XKR4: variants seen among roughly 807,000 people sequenced by gnomAD.
XKR4 encodes the protein XK related 4.
Under a neutral mutation model 53.9 loss-of-function variants are expected in XKR4, and 12 were observed. That is an observed-to-expected ratio of 0.22 (90% CI 0.14 to 0.36). XKR4 has a LOEUF of 0.36. Among genes scored for constraint, XKR4 ranks in the 10% least tolerant of loss-of-function variants. The pLI is 1.00. For synonymous variants in XKR4, 354 were observed against 362.4 expected (o/e 0.98, Z 0.26); for missense variants, 799 against 859.5 (o/e 0.93, Z 0.88).
At chr8:55,496,034 T>C (rs1412375177) in intron 2 of XKR4, among the ~76,000 whole-genome samples, 1 of 152,208 alleles carries the variant, frequency 6.6e-6, no homozygotes, top group Non-Finnish European at 1.5e-5. Flanking sequence ...GCTTAGAAAT[T>C]AATTCAGTCA....
chr8:55,356,908 A>G (rs1015657437), intron 1 of XKR4, among the ~76,000 whole-genome samples: 1 of 152,174 alleles, frequency 6.6e-6, no homozygotes, highest in Non-Finnish European at 1.5e-5. Flanking sequence ...GGCATTTATG[A>G]TCCACTTCAA....
chr8:55,116,172 A>T (rs145227392), intron 1 of XKR4, among the ~76,000 whole-genome samples: 3 of 152,106 alleles, frequency 2.0e-5, no homozygotes, highest in Non-Finnish European at 2.9e-5. Context: ...GATGGAAGGG[A>T]TAGTGGAGAG....
intron 1 of XKR4, among the ~76,000 whole-genome samples, chr8:55,310,147 A>G (rs1819367586): frequency 3.9e-5 from 6 of 152,242 alleles, no homozygotes; most frequent in Admixed American, 3.3e-4. Flanking sequence ...AAAAACACCA[A>G]GAGCCAAACT....
chr8:55,460,892 C>T (rs1419791128), intron 2 of XKR4, among the ~76,000 whole-genome samples: 1 of 152,212 alleles, frequency 6.6e-6, no homozygotes, highest in Non-Finnish European at 1.5e-5. Flanking sequence ...GCTAGCACAG[C>T]AGTCTGAAAT....
chr8:55,368,861 T>G (rs1439020158), intron 2 of XKR4, among the ~76,000 whole-genome samples: 22 of 152,234 alleles, frequency 1.4e-4, no homozygotes, highest in Admixed American at 1.4e-3. Context: ...CACAAGTTCC[T>G]GTGGAATGTC....
At chr8:55,140,170 G>A (rs1816684376) in intron 1 of XKR4, 1 of 431,886 alleles carries the variant, frequency 2.3e-6, no homozygotes. Flanking sequence ...TTGACTGAGT[G>A]TCTTTTCTTC....
chr8:55,289,529 AAAAG>A (rs1259983624), intron 1 of XKR4, among the ~76,000 whole-genome samples: 4 of 106,542 alleles, frequency 3.8e-5, no homozygotes, highest in Admixed American at 3.0e-4. Context: ...AAAAAAAAAG[AAAAG>A]AAAGAAAGAA....
At chr8:55,301,399 T>C (rs1415148150) in intron 1 of XKR4, among the ~76,000 whole-genome samples, 1 of 152,046 alleles carries the variant, frequency 6.6e-6, no homozygotes, top group Non-Finnish European at 1.5e-5. Flanking sequence ...ATATCGTTGT[T>C]GGACATTTGG....
At chr8:55,346,062 G>T (rs1234567432) in intron 1 of XKR4, among the ~76,000 whole-genome samples, 1 of 151,140 alleles carries the variant, frequency 6.6e-6, no homozygotes, top group Non-Finnish European at 1.5e-5. Flanking sequence ...AGTGAGTATA[G>T]AATTTACATT....
chr8:55,485,229 T>C (rs1390945731), intron 2 of XKR4, among the ~76,000 whole-genome samples: 1 of 152,192 alleles, frequency 6.6e-6, no homozygotes, highest in Non-Finnish European at 1.5e-5. Context: ...GCCACTGTTA[T>C]TCAACATACT....
At chr8:55,335,726 A>G (rs981835903) in intron 1 of XKR4, among the ~76,000 whole-genome samples, 4 of 152,236 alleles carry the variant, frequency 2.6e-5, no homozygotes, top group Non-Finnish European at 4.4e-5. Flanking sequence ...TATGCAAGAA[A>G]ACTACTTGGC....
At chr8:55,356,075 T>G (rs755270126) in intron 1 of XKR4, among the ~76,000 whole-genome samples, 4 of 152,154 alleles carry the variant, frequency 2.6e-5, no homozygotes, top group Non-Finnish European at 5.9e-5. Context: ...TCTTGAGGGA[T>G]CTACCAGACA....
At chr8:55,241,955 G>C (rs1395605924) in intron 1 of XKR4, among the ~76,000 whole-genome samples, 1 of 151,948 alleles carries the variant, frequency 6.6e-6, no homozygotes, top group African/African-American at 2.4e-5. Flanking sequence ...TAATGTTATG[G>C]GTATAGCTGT....
chr8:55,114,425 TTGAC>T (rs755299226), intron 1 of XKR4, among the ~76,000 whole-genome samples: 4 of 152,160 alleles, frequency 2.6e-5, no homozygotes, highest in Non-Finnish European at 5.9e-5. Flanking sequence ...TTGTGCATGT[TTGAC>T]TGAGAATTTT....
chr8:55,116,479 G>C (rs1009639396), intron 1 of XKR4, among the ~76,000 whole-genome samples: 4 of 152,172 alleles, frequency 2.6e-5, no homozygotes, highest in Non-Finnish European at 4.4e-5. Flanking sequence ...TTGATGGCAT[G>C]CTTCACCATT....
At chr8:55,188,198 T>C (rs1303690011) in intron 1 of XKR4, among the ~76,000 whole-genome samples, 2 of 152,232 alleles carry the variant, frequency 1.3e-5, no homozygotes. Flanking sequence ...ATGAAACACC[T>C]CTTGCAACTA....
chr8:55,511,510 C>G (rs930850017), intron 2 of XKR4, among the ~76,000 whole-genome samples: 1 of 152,090 alleles, frequency 6.6e-6, no homozygotes, highest in Non-Finnish European at 1.5e-5. Context: ...GGAGGAACCC[C>G]CACATATAGG....
chr8:55,390,075 T>C (rs984301630), intron 2 of XKR4, among the ~76,000 whole-genome samples: 3 of 152,204 alleles, frequency 2.0e-5, no homozygotes, highest in African/African-American at 7.2e-5. Context: ...GGCCCGTGGT[T>C]ATCTCAATTT....
chr8:55,227,126 G>A (rs759419893), intron 1 of XKR4, among the ~76,000 whole-genome samples: 3 of 152,170 alleles, frequency 2.0e-5, no homozygotes, highest in Non-Finnish European at 2.9e-5. Context: ...CAGAGTCCTC[G>A]TGGCGTTTAG....
Sources: allele counts gnomAD v4.1 joint callset (sites outside exome capture counted in the v4.1 genomes callset), GRCh38; gene constraint gnomAD v4.1.1; transcripts MANE v1.5; gene names NCBI Gene and HGNC (gene_info 2026-07-23, HGNC 2026-07-21).